The following ZNF800 variants were observed in gnomAD, a reference collection of about 807,000 sequenced individuals.
ZNF800 encodes zinc finger protein 800.
In ZNF800, 13 loss-of-function variants were observed where a neutral mutation model predicts 59.5. The observed-to-expected ratio is 0.22, with a 90% CI of 0.14 to 0.35. The LOEUF (loss-of-function observed/expected upper bound fraction) is 0.35. ZNF800 is among the 10% of genes least tolerant of loss of function. The pLI is 1.00. For missense variants in ZNF800, 621 were observed against 783.7 expected (o/e 0.79, Z 2.48); for synonymous variants, 266 against 265.7 (o/e 1.00, Z -0.01).
chr7:127,346,168 A>G (rs773967671), downstream of ZNF800, among the ~76,000 whole-genome samples: 1 of 152,208 alleles, frequency 6.6e-6, no homozygotes, highest in Non-Finnish European at 1.5e-5. Context: ...TGTGGTGACA[A>G]GATGAGAAAG....
chr7:127,379,836 A>ACCCCCCC lies in ZNF800; in HGVS notation c.158-2514_158-2508dup, dbSNP rs71179574. Reference sequence around the variant, plus strand: ...ACAAATGCTTCCCCTTACCCTTGCCACCCCCCCACCCCCCCACCCCCCCCA... The same window carrying ACCCCCCC: ...ACAAATGCTTCCCCTTACCCTTGCCACCCCCCCCCCCCCCACCCCCCCACCCCCCCCA... On this transcript the variant is annotated intron_variant, in intron 3 of 5. Coordinates refer to ENST00000265827, the MANE Select transcript of ZNF800 (RefSeq NM_176814.5). Among the ~76,000 whole-genome samples, 23 of 27,636 alleles carry ACCCCCCC rather than the reference A, an allele frequency of 8.3e-4. 4 individuals carry two copies. Among genetic ancestry groups the ACCCCCCC allele is most frequent in the East Asian group, 2.1e-3 (1 of 474 alleles). 18.1% of individuals were successfully genotyped at this position (27,636 alleles called of 152,430 possible). A position where few individuals can be genotyped will look rare whatever the true frequency, so the allele number is the denominator to read the frequency against.
chr7:127,391,421 A>G, intron 2 of ZNF800, 76 bp downstream of exon 2: 1 of 1,449,460 alleles, frequency 6.9e-7, no homozygotes, highest in Non-Finnish European at 9.7e-7. Context: ...GGCAGGAGGA[A>G]AAAAAGCTAG....
At position 127,374,535 on chromosome 7, in the gene ZNF800, T is replaced by C. The variant is rs765010268; in HGVS notation, c.801A>G (p.Arg267=). 6 of 1,614,062 alleles carry C rather than the reference T, an allele frequency of 3.7e-6. No individual in the cohort carries two copies. In the African/African-American group the frequency reaches 4.0e-5, roughly 11 times the overall value. ...CTTTAGAGGATTGGTTTGGATTCTT[T>C]CGTGTTTCAATGTACTTTTTTAGTT... is the stretch of plus-strand genomic sequence containing the variant. The part of the protein sequence containing the change: ...MEELKKYIET[R]KNPNQSSKGR... The change falls in exon 5 of 6, where the codon CGA becomes CGG. Residue 267 remains arginine, a synonymous_variant. Coordinates refer to ENST00000265827, the MANE Select transcript of ZNF800 (RefSeq NM_176814.5).
chr7:127,375,378 C>T (rs1259613748), intron 4 of ZNF800, among the ~76,000 whole-genome samples: 9 of 151,984 alleles, frequency 5.9e-5, no homozygotes, highest in Non-Finnish European at 8.8e-5. Context: ...TTTAGACTAG[C>T]AAAGGCAACT....
In ZNF800 at chr7:127,374,621, A is replaced by G. The variant is rs760966712; in HGVS notation, c.715T>C (p.Phe239Leu). The change falls in exon 5 of 6, where the codon TTC becomes CTC. Residue 239 changes from phenylalanine to leucine, a missense_variant. By Grantham distance (22) the Phe-to-Leu change is conservative. Transcript: ENST00000265827. ...QLICCLCRKE[F>L]NSRRGVRRHI... is the part of the protein sequence containing the mutation. ...CGGCGAACACCTCGTCTAGAATTGA[A>G]TTCTTTTCTACAAAGACAACATATC... 14 of 1,613,984 alleles carry G rather than the reference A, an allele frequency of 8.7e-6. No individual in the cohort carries two copies. The South Asian group carries it at 1.4e-4, about 16-fold the overall frequency.
Position 127,374,571 on chromosome 7 carries a change from T to C in ZNF800, c.765A>G (p.Lys255=). The stretch of plus-strand genomic sequence containing the variant: ...TGTACTTTTTTAGTTCTTCCATCTT[T>C]TTCTTGTGTACTTTTCGAATGTGAC... The part of the protein sequence containing the change: ...VRRHIRKVHK[K]KMEELKKYIE... Residue 255 remains lysine (K), a synonymous_variant, in exon 5 of 6, where the codon AAA becomes AAG. Transcript: ENST00000265827. 6.2e-7 allele frequency: 1 copy of C among 1,614,148 alleles called. No individual in the cohort carries two copies. Among genetic ancestry groups the C allele is most frequent in the Non-Finnish European group, 8.5e-7 (1 of 1,179,994 alleles).
intron 2 of ZNF800, among the ~76,000 whole-genome samples, chr7:127,389,508 C>T (rs17862370): frequency 0.014 from 2,113 of 152,212 alleles, 21 homozygotes; most frequent in Non-Finnish European, 0.023. Context: ...ATCTTCCCTC[C>T]ATCTGTGGAC....
intron 3 of ZNF800, among the ~76,000 whole-genome samples, chr7:127,383,928 C>G (rs1029484532): frequency 6.6e-6 from 1 of 151,880 alleles, no homozygotes; most frequent in African/African-American, 2.4e-5. Flanking sequence ...TTAAAAAGAT[C>G]GCAGTTCAAA....
Position 127,357,403 on chromosome 7 carries a change from T to C in ZNF800, n.225-9360A>G, listed in dbSNP as rs150439581. Among the ~76,000 whole-genome samples the C allele has an allele frequency of 3.9e-5, 6 of 152,194 alleles. No individual in the cohort carries two copies. The East Asian group carries it at 1.2e-3, about 29-fold the overall frequency. On this transcript the variant is annotated intron_variant and non_coding_transcript_variant, in intron 1 of 1. Transcript: ENST00000485577. ...ACCTTTAATAGTACCTTTATTCCCT[T>C]AGACTCTGGCTATGGATACTAAATT...
Position 127,374,373 on chromosome 7 carries a change from A to G in ZNF800, c.963T>C (p.Asp321=). ...RGLRRDSITP[D]IATKPGQPLF... The stretch of plus-strand genomic sequence containing the variant: ...AAGGTTGCCCAGGCTTTGTTGCTAT[A>G]TCAGGAGTAATTGAATCCCTCCTTA... Residue 321 remains aspartate (D), a synonymous_variant, in exon 5 of 6, where the codon GAT becomes GAC. Coordinates refer to ENST00000265827, the MANE Select transcript of ZNF800 (RefSeq NM_176814.5). 6.2e-7 allele frequency: 1 copy of G among 1,613,920 alleles called. No individual in the cohort carries two copies. Among genetic ancestry groups the G allele is most frequent in the Non-Finnish European group, 8.5e-7 (1 of 1,179,984 alleles).
At position 127,377,148 on chromosome 7, in the gene ZNF800, C is replaced by T. The variant is rs762182209; in HGVS notation, c.301+38G>A. 11 of 1,558,092 alleles carry T rather than the reference C, an allele frequency of 7.1e-6. No individual in the cohort carries two copies. In the East Asian group the frequency reaches 2.3e-4, roughly 32 times the overall value. On this transcript the variant is annotated intron_variant, in intron 4 of 5. Transcript: ENST00000265827. The surrounding 1 kb of genome is among the most constrained non-coding windows in gnomAD (Gnocchi z 4.7). Reference sequence around the variant, plus strand: ...ATACTTGCAGTATAAGAATACTTAGCTGTAAAATGCATAACTGAGTATATG... The same window carrying T: ...ATACTTGCAGTATAAGAATACTTAGTTGTAAAATGCATAACTGAGTATATG...
At chr7:127,358,518 A>G (rs892657467) in intron 1 of ZNF800, among the ~76,000 whole-genome samples, 3 of 151,968 alleles carry the variant, frequency 2.0e-5, no homozygotes, top group Non-Finnish European at 4.4e-5. Flanking sequence ...GGTACTCCTA[A>G]TTTTGAAATA....
rs1801238595 is a variant in ZNF800 at position 127,389,427 on chromosome 7, C to G, written c.61+2070G>C. Among the ~76,000 whole-genome samples, 3 of 152,214 alleles carry G rather than the reference C, an allele frequency of 2.0e-5. No homozygotes were observed. In the South Asian group the frequency reaches 6.2e-4, roughly 32 times the overall value. On this transcript the variant is annotated intron_variant, in intron 2 of 5. Transcript: ENST00000265827. ...GCAGAATGGCCTCATCAGGAATATA[C>G]TGATCTCCTCTGGAGACTCACCCAG... is the stretch of plus-strand genomic sequence containing the variant.
intron 1 of ZNF800, among the ~76,000 whole-genome samples, chr7:127,348,312 C>T (rs1800107852): frequency 1.3e-5 from 2 of 151,424 alleles, no homozygotes; most frequent in Admixed American, 6.6e-5. Context: ...CTCTTTGACC[C>T]AGAAAGTCTA....
downstream of ZNF800, among the ~76,000 whole-genome samples, chr7:127,345,035 C>G (rs544479375): frequency 6.6e-6 from 1 of 152,152 alleles, no homozygotes; most frequent in Non-Finnish European, 1.5e-5. Context: ...TGATAGATAT[C>G]TGACAAAGAG....
chr7:127,374,263 G>A lies in ZNF800; in HGVS notation c.1073C>T (p.Ala358Val), dbSNP rs1800722122. The part of the protein sequence containing the change: ...SSSKAEYNLT[A>V]CKCLLCKRKY... Reference sequence around the variant, plus strand: ...CCTCTTGCAAAGGAGGCATTTGCATGCAGTTAAATTGTATTCAGCCTTTGA... The same window carrying A: ...CCTCTTGCAAAGGAGGCATTTGCATACAGTTAAATTGTATTCAGCCTTTGA... The change falls in exon 5 of 6, where the codon GCA becomes GTA. Residue 358 changes from alanine (A) to valine (V), a missense_variant. This residue lies in a region of ZNF800 where 185 missense variants were observed against 177.6 expected (regional missense o/e 1.04). Transcript: ENST00000265827. The A allele has an allele frequency of 1.2e-6, 2 of 1,613,938 alleles. No homozygotes were observed. The highest frequency in any genetic ancestry group is 1.3e-5 in the African/African-American group (1 of 75,042).
At chr7:127,378,712 A>G (rs1290815579) in intron 3 of ZNF800, among the ~76,000 whole-genome samples, 1 of 97,278 alleles carries the variant, frequency 1.0e-5, no homozygotes, top group Non-Finnish European at 2.0e-5. Flanking sequence ...CCCCACCCCC[A>G]CAACATACAC....
intron 1 of ZNF800, among the ~76,000 whole-genome samples, chr7:127,355,887 TCA>T (rs1800261158): frequency 6.6e-6 from 1 of 151,718 alleles, no homozygotes; most frequent in East Asian, 1.9e-4. Flanking sequence ...TATGAGAAAA[TCA>T]CACTTACACA....
At chr7:127,390,156 T>C (rs548200132) in intron 2 of ZNF800, among the ~76,000 whole-genome samples, 1 of 152,182 alleles carries the variant, frequency 6.6e-6, no homozygotes, top group East Asian at 1.9e-4. Flanking sequence ...TCAACTTCAA[T>C]GATTAAAAGT....
Sources: gnomAD v4.1 joint callset for allele counts (sites outside exome capture counted in the v4.1 genomes callset) on GRCh38, gnomAD v4.1.1 for gene constraint, gnomAD v4.1.1 regional missense constraint, Gnocchi (gnomAD v3.1) non-coding constraint, MANE v1.5 for transcripts, NCBI Gene and HGNC (gene_info 2026-07-23, HGNC 2026-07-21) for gene names.